DNAH11: variants seen among roughly 807,000 people sequenced by gnomAD.
DNAH11 encodes dynein axonemal heavy chain 11.
A neutral mutation model predicts 526.0 loss-of-function variants in DNAH11; 442 were observed. The observed-to-expected ratio is 0.84, with a 90% confidence interval of 0.78 to 0.91. The LOEUF (loss-of-function observed/expected upper bound fraction) is 0.91, where lower values mean the gene tolerates loss of function less well. DNAH11 is among the 40% of genes least tolerant of loss of function. The pLI is 0.00. For synonymous variants in DNAH11, 2,461 were observed against 1,935.9 expected, an observed-to-expected ratio of 1.27 and a Z score of -7.12; for missense variants, 6,989 against 5,448.7, an observed-to-expected ratio of 1.28 and a Z score of -8.90.
intron 46 of DNAH11, among the ~76,000 whole-genome samples, chr7:21,738,348 G>A (rs1785708539): frequency 1.3e-5 from 2 of 152,192 alleles, no homozygotes; most frequent in Admixed American, 1.3e-4. Context: ...GAGAGACCAG[G>A]CCATAGCTGG....
intron 35 of DNAH11, among the ~76,000 whole-genome samples, chr7:21,694,268 G>A (rs1050751173): frequency 7.9e-5 from 12 of 152,072 alleles, no homozygotes; most frequent in East Asian, 1.9e-4. Flanking sequence ...TGCAATGGTC[G>A]TTTGCTGCAC....
chr7:21,577,060 G>A (rs1477882376), intron 8 of DNAH11, among the ~76,000 whole-genome samples: 1 of 152,192 alleles, frequency 6.6e-6, no homozygotes, highest in Non-Finnish European at 1.5e-5. Flanking sequence ...AAACAACAAC[G>A]TGATGATGAG....
At position 21,559,741 on chromosome 7, in the gene DNAH11, A is replaced by G. The variant is rs779122799; in HGVS notation, c.831A>G (p.Glu277=). ...LNGLHLSPQA[E]LDFWMMRREN... is the part of the protein sequence containing the mutation. Reference sequence around the variant, plus strand: ...GTCTTCACTTGTCTCCTCAAGCAGAACTAGATTTCTGGATGATGAGGAGAG... The same window carrying G: ...GTCTTCACTTGTCTCCTCAAGCAGAGCTAGATTTCTGGATGATGAGGAGAG... The change falls in exon 4 of 82, where the codon GAA becomes GAG. Residue 277 remains glutamate, a synonymous_variant. Coordinates refer to ENST00000409508, the MANE Select transcript of DNAH11 (RefSeq NM_001277115.2). 3 of 1,608,930 alleles carry G rather than the reference A, an allele frequency of 1.9e-6. No individual in the cohort carries two copies. The South Asian group carries it at 3.3e-5, about 18-fold the overall frequency.
intron 2 of DNAH11, among the ~76,000 whole-genome samples, chr7:21,548,293 T>C (rs1197067993): frequency 6.6e-6 from 1 of 152,324 alleles, no homozygotes; most frequent in South Asian, 2.1e-4. Context: ...ATTTGGCTGG[T>C]GGCATTTAAC....
Position 21,720,875 on chromosome 7 carries a change from T to A in DNAH11, c.7266+19T>A. ...AGATCAGGTATGTTTAGAAATAGTT[T>A]ACAGGACCAGTTTCCAGTTTTGTGT... On this transcript the variant is annotated intron_variant, in intron 44 of 81. Transcript: ENST00000409508. 1 of 1,608,062 alleles carries A rather than the reference T, an allele frequency of 6.2e-7. No individual in the cohort carries two copies. Among genetic ancestry groups the A allele is most frequent in the African/African-American group, 1.3e-5 (1 of 74,794 alleles).
intron 65 of DNAH11, among the ~76,000 whole-genome samples, chr7:21,819,796 AAC>A (rs1356358219): frequency 6.6e-6 from 1 of 152,188 alleles, no homozygotes; most frequent in Non-Finnish European, 1.5e-5. Flanking sequence ...CAATTTTAGA[AAC>A]AGATTTTACA....
chr7:21,632,301 C>T (rs1786654585), intron 25 of DNAH11, among the ~76,000 whole-genome samples: 1 of 152,190 alleles, frequency 6.6e-6, no homozygotes, highest in Non-Finnish European at 1.5e-5. Flanking sequence ...GCCTTGGATA[C>T]ATTTTCCCCA....
chr7:21,567,915 A>G (rs2128435184), intron 6 of DNAH11, among the ~76,000 whole-genome samples: 1 of 152,158 alleles, frequency 6.6e-6, no homozygotes, highest in East Asian at 1.9e-4. Flanking sequence ...ACACTACTCC[A>G]TGGTCCTTGT....
At chr7:21,794,513 G>C (rs370874084) in intron 61 of DNAH11, among the ~76,000 whole-genome samples, 1 of 152,242 alleles carries the variant, frequency 6.6e-6, no homozygotes, top group Non-Finnish European at 1.5e-5. Context: ...AGAAATGCTT[G>C]AAGTACTGAC....
intron 37 of DNAH11, 68 bp downstream of exon 37, chr7:21,702,870 G>A: frequency 1.5e-6 from 2 of 1,371,536 alleles, no homozygotes; most frequent in Non-Finnish European, 2.0e-6. Context: ...GAAAGTATAT[G>A]CCTGGATGGT....
At chr7:21,650,436 T>C (rs1787574947) in intron 28 of DNAH11, among the ~76,000 whole-genome samples, 2 of 152,156 alleles carry the variant, frequency 1.3e-5, no homozygotes, top group South Asian at 2.1e-4. Flanking sequence ...TTATAACATA[T>C]ATACTTAAAC....
At chr7:21,663,722 A>G (rs1367235598) in intron 30 of DNAH11, among the ~76,000 whole-genome samples, 2 of 150,616 alleles carry the variant, frequency 1.3e-5, no homozygotes, top group Non-Finnish European at 3.0e-5. Context: ...CAATTCACAT[A>G]ATGTCCTCCT....
Position 21,543,184 on chromosome 7 carries a change from G to T in DNAH11, c.-62G>T. 6.9e-7 allele frequency: 1 copy of T among 1,451,798 alleles called. No individual in the cohort carries two copies. The highest frequency in any genetic ancestry group is 2.5e-4 in the Middle Eastern group (1 of 3,970). The allele number at this position is 1,451,798 out of a possible 1,614,324, so 89.9% of individuals were successfully genotyped here. A position where few individuals can be genotyped will look rare whatever the true frequency, so the allele number is the denominator to read the frequency against. Reference sequence around the variant, plus strand: ...CTGCGGAGGTGTCCTCGCTCACTTCGGGGGGCCCAGAGTCTCGGGTGAGGA... The same window carrying T: ...CTGCGGAGGTGTCCTCGCTCACTTCTGGGGGCCCAGAGTCTCGGGTGAGGA... On this transcript the variant is annotated 5_prime_UTR_variant, in exon 1 of 82. Coordinates refer to ENST00000409508, the MANE Select transcript of DNAH11 (RefSeq NM_001277115.2).
intron 30 of DNAH11, among the ~76,000 whole-genome samples, chr7:21,666,300 T>C (rs1782418652): frequency 6.6e-6 from 1 of 152,128 alleles, no homozygotes; most frequent in Admixed American, 6.6e-5. Context: ...ATAAATTTAA[T>C]TTCCCAGATT....
intron 26 of DNAH11, among the ~76,000 whole-genome samples, chr7:21,637,246 C>T (rs1165723603): frequency 1.3e-5 from 2 of 151,812 alleles, no homozygotes; most frequent in African/African-American, 4.8e-5. Context: ...TCCCCCTCTG[C>T]CCCCACCTCC....
At chr7:21,900,982 T>C in intron 81 of DNAH11, 25 bp from the exon 82 acceptor site, 2 of 1,548,094 alleles carry the variant, frequency 1.3e-6, no homozygotes, top group Non-Finnish European at 8.7e-7. Flanking sequence ...GCCACACAAT[T>C]GCAACCGCTG....
intron 5 of DNAH11, 87 bp downstream of exon 5, chr7:21,561,257 T>G (rs1783449789): frequency 2.1e-6 from 2 of 954,554 alleles, no homozygotes; most frequent in Non-Finnish European, 3.2e-6. Flanking sequence ...TATTTACCCT[T>G]CCGCCATGTT....
chr7:21,635,787 A>G (rs1786834049), intron 25 of DNAH11, 84 bp from the exon 26 acceptor site: 1 of 1,139,566 alleles, frequency 8.8e-7, no homozygotes, highest in Admixed American at 2.6e-5. Context: ...CCAGCAATAA[A>G]CAGAGTAGAT....
At chr7:21,726,627 C>A (rs993997860) in intron 45 of DNAH11, among the ~76,000 whole-genome samples, 2 of 151,400 alleles carry the variant, frequency 1.3e-5, no homozygotes, top group African/African-American at 4.9e-5. Flanking sequence ...TTTGGGAGGC[C>A]GAGGTGGGCA....
Sources: gnomAD v4.1 joint callset for allele counts (sites outside exome capture counted in the v4.1 genomes callset) on GRCh38, gnomAD v4.1.1 for gene constraint, MANE v1.5 for transcripts, NCBI Gene and HGNC (gene_info 2026-07-23, HGNC 2026-07-21) for gene names.